Variants in COL21A1 observed in about 807,000 individuals in gnomAD.
COL21A1 encodes collagen type XXI alpha 1 chain, also known as collagen alpha-1(XXI) chain.
A neutral mutation model predicts 137.9 loss-of-function variants in COL21A1; 149 were observed. The ratio of observed to expected loss-of-function variants is 1.08; its 90% CI spans 0.95 to 1.24. The LOEUF (loss-of-function observed/expected upper bound fraction) is 1.24, where lower values mean the gene tolerates loss of function less well. Among genes scored for constraint, COL21A1 ranks in the 50% most tolerant of loss-of-function variants. The probability of loss-of-function intolerance (pLI) is 0.00; values close to 1 mark genes in which losing one functional copy is unlikely to be tolerated. For missense variants in COL21A1, 1,167 were observed against 1,158.4 expected (o/e 1.01, Z -0.11); for synonymous variants, 456 against 391.5 (o/e 1.16, Z -1.95).
intron 1 of COL21A1, among the ~76,000 whole-genome samples, chr6:56,362,820 G>C (rs973527977): frequency 1.3e-5 from 2 of 152,132 alleles, no homozygotes; most frequent in East Asian, 1.9e-4. Context: ...GTCCCTAGCT[G>C]TTTGTGTGTT....
intron 1 of COL21A1, among the ~76,000 whole-genome samples, chr6:56,267,157 C>T (rs1763410962): frequency 6.6e-6 from 1 of 152,102 alleles, no homozygotes; most frequent in Admixed American, 6.5e-5. Context: ...TGTAAGTTGA[C>T]ATTCAATATG....
chr6:56,198,641 T>G (rs1002662754), intron 1 of COL21A1, among the ~76,000 whole-genome samples: 2 of 152,038 alleles, frequency 1.3e-5, no homozygotes, highest in Non-Finnish European at 2.9e-5. Flanking sequence ...AAAAAGTATT[T>G]TATATTAAGA....
At chr6:56,123,079 GTC>G (rs1772692608) in intron 16 of COL21A1, among the ~76,000 whole-genome samples, 1 of 152,224 alleles carries the variant, frequency 6.6e-6, no homozygotes, top group African/African-American at 2.4e-5. Flanking sequence ...CAAAGATAAA[GTC>G]TGTGTTCTCT....
At chr6:56,134,301 G>A (rs2152227060) in intron 12 of COL21A1, among the ~76,000 whole-genome samples, 1 of 152,278 alleles carries the variant, frequency 6.6e-6, no homozygotes, top group Non-Finnish European at 1.5e-5. Context: ...TGCACCGCTG[G>A]ATTTCAGACT....
In COL21A1 at chr6:56,344,029, A is replaced by C. The variant is rs572820512; in HGVS notation, c.-39+49942T>G. Reference sequence around the variant, plus strand: ...ACTATTTTGGCCAGTTTTCATTGTGAAGAGTGACTCCAATTTCAAAATTCA... The same window carrying C: ...ACTATTTTGGCCAGTTTTCATTGTGCAGAGTGACTCCAATTTCAAAATTCA... On this transcript the variant is annotated intron_variant, in intron 1 of 28. Coordinates refer to the COL21A1 transcript ENST00000370819. 3.3e-5 allele frequency among the ~76,000 whole-genome samples: 5 copies of C among 152,336 alleles called. No individual in the cohort carries two copies. In the East Asian group the frequency reaches 9.6e-4, roughly 29 times the overall value.
In COL21A1 at chr6:56,126,097, TTTGA is replaced by T. The variant is rs774817271; in HGVS notation, c.1591_1594del (p.Ser531ArgfsTer48). The T allele has an allele frequency of 3.2e-6, 5 of 1,542,544 alleles. No homozygotes were observed. The East Asian group carries it at 1.2e-4, about 38-fold the overall frequency. On this transcript the variant is annotated frameshift_variant and splice_region_variant, in exon 13 of 30. Coordinates refer to ENST00000244728, the MANE Select transcript of COL21A1 (RefSeq NM_030820.4). LOFTEE classifies it high-confidence loss of function. Reference sequence around the variant, plus strand: ...TTAAAAGAAACAGATTTCTTCAACCTTTGATCCTGGCATGCCATGAAGCCCAGGA... The same window carrying T: ...TTAAAAGAAACAGATTTCTTCAACCTTCCTGGCATGCCATGAAGCCCAGGA...
At chr6:56,257,882 G>C (rs997443278) in intron 1 of COL21A1, among the ~76,000 whole-genome samples, 1 of 151,790 alleles carries the variant, frequency 6.6e-6, no homozygotes, top group Non-Finnish European at 1.5e-5. Flanking sequence ...TTAAATTATA[G>C]TATTATAATT....
chr6:56,152,647 T>C (rs1313364195), intron 10 of COL21A1, among the ~76,000 whole-genome samples: 2 of 152,020 alleles, frequency 1.3e-5, no homozygotes, highest in East Asian at 3.8e-4. Context: ...TAACAATAAT[T>C]CACCTCCAGT....
rs575383737 is a variant in COL21A1 at position 56,115,352 on chromosome 6, T to C, written c.1758+8710A>G. Reference sequence around the variant, plus strand: ...AAGATTCTGTATGTTTGGGAGAAAGTAAGGGAAGAGAAAAAGAATCTCTGC... The same window carrying C: ...AAGATTCTGTATGTTTGGGAGAAAGCAAGGGAAGAGAAAAAGAATCTCTGC... On this transcript the variant is annotated intron_variant, in intron 16 of 29. Transcript: ENST00000244728. Among the ~76,000 whole-genome samples the C allele has an allele frequency of 1.5e-3, 219 of 149,472 alleles. 1 individual carries two copies. The South Asian group carries it at 0.019, about 13-fold the overall frequency.
chr6:56,060,161 G>T lies in COL21A1; in HGVS notation c.2465C>A (p.Ser822Tyr), dbSNP rs565539780. ...AGGAATACCCGGGGAGCCATGTTGGGACAGGCAATGATCACAATTTCTAAT... is the reference window on the plus strand; with the variant it reads ...AGGAATACCCGGGGAGCCATGTTGGTACAGGCAATGATCACAATTTCTAAT... Reference protein sequence around the residue: ...GRIRNCDHCLSQHGSPGIPGP... With the variant: ...GRIRNCDHCLYQHGSPGIPGP... The change falls in exon 28 of 30, where the codon TCC becomes TAC. Residue 822 changes from serine (S) to tyrosine (Y), a missense_variant. Ser to Tyr is a moderately radical substitution (Grantham distance 144, BLOSUM62 -2). Coordinates refer to ENST00000244728, the MANE Select transcript of COL21A1 (RefSeq NM_030820.4). The T allele has an allele frequency of 5.0e-5, 81 of 1,610,590 alleles. 1 individual carries two copies. In the South Asian group the frequency reaches 6.3e-4, roughly 13 times the overall value.
chr6:56,251,153 A>G (rs561621896), upstream of COL21A1, among the ~76,000 whole-genome samples: 3 of 152,334 alleles, frequency 2.0e-5, no homozygotes, highest in Non-Finnish European at 4.4e-5. Context: ...TGTAATTGAT[A>G]TATTGCTCTC....
At chr6:56,192,093 A>G (rs1778722703) in intron 1 of COL21A1, among the ~76,000 whole-genome samples, 1 of 152,218 alleles carries the variant, frequency 6.6e-6, no homozygotes, top group African/African-American at 2.4e-5. Flanking sequence ...ACAAACAAGC[A>G]ACAGGGAAAA....
intron 1 of COL21A1, among the ~76,000 whole-genome samples, chr6:56,264,550 C>T (rs1486948372): frequency 6.6e-6 from 1 of 152,190 alleles, no homozygotes; most frequent in Non-Finnish European, 1.5e-5. Context: ...ATTTTATTTA[C>T]ATGACTCACA....
Position 56,179,809 on chromosome 6 carries a change from T to G in COL21A1, c.409A>C (p.Lys137Gln). The change falls in exon 3 of 30, where the codon AAG (lysine) becomes CAG (glutamine). Residue 137 changes from lysine to glutamine, a missense_variant. Transcript: ENST00000244728. ...CCATCCGTAAGTACCACTGCTATCT[T>G]AGTCAGAAATCGTGAGGACTTGGCA... ...LFAKSSRFLT[K>Q]IAVVLTDGKS... 1 of 1,613,966 alleles carries G rather than the reference T, an allele frequency of 6.2e-7. No homozygotes were observed. The highest frequency in any genetic ancestry group is 8.5e-7 in the Non-Finnish European group (1 of 1,179,868).
intron 16 of COL21A1, among the ~76,000 whole-genome samples, chr6:56,112,684 T>TC (rs1561876393): frequency 7.2e-6 from 1 of 138,942 alleles, no homozygotes; most frequent in South Asian, 2.4e-4. Context: ...TCTTTTCTTT[T>TC]TTCTTTTTTT....
chr6:56,382,220 G>A (rs2094009808), intron 1 of COL21A1, among the ~76,000 whole-genome samples: 2 of 152,284 alleles, frequency 1.3e-5, no homozygotes, highest in Middle Eastern at 3.4e-3. Flanking sequence ...CCCTAGAAAT[G>A]TGTTTGGAAT....
At chr6:56,128,398 T>G (rs1396225534) in intron 12 of COL21A1, among the ~76,000 whole-genome samples, 1 of 152,170 alleles carries the variant, frequency 6.6e-6, no homozygotes, top group Non-Finnish European at 1.5e-5. Flanking sequence ...ATTTGGTGAT[T>G]CTTTATTGTC....
At chr6:56,057,929 A>G in intron 29 of COL21A1, 85 bp from the exon 30 acceptor site, 1 of 827,270 alleles carries the variant, frequency 1.2e-6, no homozygotes, top group Non-Finnish European at 1.7e-6. Flanking sequence ...ACTTAAACTG[A>G]AAAAAAAAAC....
At chr6:56,289,411 T>A (rs901123484) in intron 1 of COL21A1, among the ~76,000 whole-genome samples, 3 of 152,168 alleles carry the variant, frequency 2.0e-5, no homozygotes, top group Non-Finnish European at 4.4e-5. Flanking sequence ...TACAGTTAAT[T>A]TCCAGCACCT....
Sources: allele counts gnomAD v4.1 joint callset (sites outside exome capture counted in the v4.1 genomes callset), GRCh38; gene constraint gnomAD v4.1.1; transcripts MANE v1.5; gene names NCBI Gene and HGNC (gene_info 2026-07-23, HGNC 2026-07-21).